The following ZC3H12B variants were observed in gnomAD, a reference collection of about 807,000 sequenced individuals.
The protein encoded by ZC3H12B is zinc finger CCCH-type containing 12B.
Under a neutral mutation model 43.9 loss-of-function variants are expected in ZC3H12B, and 7 were observed. The ratio of observed to expected loss-of-function variants is 0.16; its 90% confidence interval spans 0.09 to 0.30. The LOEUF is 0.30. Ranked by LOEUF, ZC3H12B falls within the 10% of genes least tolerant of loss-of-function variation. The pLI is 1.00. For missense variants in ZC3H12B, 475 were observed against 670.2 expected (o/e 0.71, Z 3.22); for synonymous variants, 222 against 241.7 (o/e 0.92, Z 0.76).
chrX:65,283,434 C>T, the ZC3H12B span, among the ~76,000 whole-genome samples: 3 of 112,068 alleles, frequency 2.7e-5, no homozygotes, highest in Non-Finnish European at 5.6e-5. Flanking sequence ...TGCCCTCTCT[C>T]ACCACTCCTA....
Position 65,477,817 on chromosome X carries a change from C to CTGTGTG in ZC3H12B, n.408-10793_408-10788dup, listed in dbSNP as rs746164349. 7.6e-3 allele frequency among the ~76,000 whole-genome samples: 709 copies of CTGTGTG among 92,972 alleles called. 11 individuals are homozygous for CTGTGTG. The highest frequency in any genetic ancestry group is 0.026 in the African/African-American group (631 of 24,565). 80.7% of individuals were successfully genotyped at this position (92,972 alleles called of 115,157 possible). A position where few individuals can be genotyped will look rare whatever the true frequency, so the allele number is the denominator to read the frequency against. On this transcript the variant is annotated intron_variant and non_coding_transcript_variant, in intron 3 of 5. Transcript: ENST00000617377. ...GTTGGAAAAACTCAAAAACATTCCTCTGTGTGTGTGTGTGTGTGTGTGTGT... is the reference window on the plus strand; with the variant it reads ...GTTGGAAAAACTCAAAAACATTCCTCTGTGTGTGTGTGTGTGTGTGTGTGTGTGTGT...
the ZC3H12B span, among the ~76,000 whole-genome samples, chrX:65,168,127 A>ATTC: frequency 3.1e-3 from 345 of 111,744 alleles, 1 homozygote; most frequent in African/African-American, 0.011. Flanking sequence ...TTTCAAAGGG[A>ATTC]ATGCTTCCAG....
At chrX:65,167,527 C>G in the ZC3H12B span, among the ~76,000 whole-genome samples, 1 of 111,501 alleles carries the variant, frequency 9.0e-6, no homozygotes, top group African/African-American at 3.3e-5. Context: ...GGTATGTGGG[C>G]TCTTCTTTGG....
chrX:65,090,945 T>C, the ZC3H12B span, among the ~76,000 whole-genome samples: 1 of 111,169 alleles, frequency 9.0e-6, no homozygotes, highest in South Asian at 3.8e-4. Context: ...CGTCTCTCTC[T>C]TGCTCCTGAT....
chrX:65,092,916 C>T, the ZC3H12B span, among the ~76,000 whole-genome samples: 1 of 111,757 alleles, frequency 8.9e-6, no homozygotes, highest in South Asian at 3.8e-4. Context: ...GGAAAAAGGC[C>T]TCCAAGGCTT....
the ZC3H12B span, among the ~76,000 whole-genome samples, chrX:65,299,556 A>G: frequency 5.3e-5 from 6 of 112,287 alleles, no homozygotes; most frequent in African/African-American, 1.9e-4. Flanking sequence ...CTGAACCGAC[A>G]AATAATAATA....
the ZC3H12B span, among the ~76,000 whole-genome samples, chrX:65,098,397 G>T: frequency 9.0e-6 from 1 of 111,086 alleles, no homozygotes; most frequent in East Asian, 2.8e-4. Flanking sequence ...TGTAGTAGTG[G>T]GAGACTGACT....
At chrX:65,152,768 T>G in the ZC3H12B span, among the ~76,000 whole-genome samples, 1 of 111,768 alleles carries the variant, frequency 8.9e-6, no homozygotes, top group Non-Finnish European at 1.9e-5. Flanking sequence ...AGAGCCCGCA[T>G]TGCCAAGTCA....
the ZC3H12B span, among the ~76,000 whole-genome samples, chrX:65,162,720 C>T: frequency 1.8e-5 from 2 of 111,660 alleles, no homozygotes; most frequent in Non-Finnish European, 3.8e-5. Flanking sequence ...GAATTTCCTC[C>T]TGTAGCTCAG....
the ZC3H12B span, among the ~76,000 whole-genome samples, chrX:65,199,514 A>T: frequency 2.7e-5 from 3 of 110,434 alleles, no homozygotes; most frequent in South Asian, 1.2e-3. Flanking sequence ...GACGTGTGCC[A>T]TGCTGGTTTG....
intron 3 of ZC3H12B, among the ~76,000 whole-genome samples, chrX:65,403,053 G>A (rs889559117): frequency 3.6e-5 from 4 of 112,164 alleles, no homozygotes; most frequent in Non-Finnish European, 7.5e-5. Context: ...AAATAGCTGT[G>A]TTGAGGAAAC....
chrX:65,390,136 T>C (rs1175698577), intron 2 of ZC3H12B, among the ~76,000 whole-genome samples: 1 of 111,231 alleles, frequency 9.0e-6, no homozygotes, highest in Admixed American at 9.6e-5. Context: ...AACCATCATT[T>C]TGAGCAAACT....
upstream of ZC3H12B, among the ~76,000 whole-genome samples, chrX:65,364,752 C>T (rs2066151452): frequency 9.0e-6 from 1 of 111,490 alleles, no homozygotes; most frequent in Non-Finnish European, 1.9e-5. Context: ...GAAATCTATC[C>T]TCAAGGAAAT....
chrX:65,193,722 G>C, the ZC3H12B span, among the ~76,000 whole-genome samples: 1 of 111,216 alleles, frequency 9.0e-6, no homozygotes, highest in Non-Finnish European at 1.9e-5. Context: ...ATCATTAAGT[G>C]GTTTATTTGA....
chrX:65,147,796 G>A, the ZC3H12B span, among the ~76,000 whole-genome samples: 5 of 110,658 alleles, frequency 4.5e-5, no homozygotes, highest in African/African-American at 1.3e-4. Context: ...TGGAGCTTGC[G>A]TGGTGCTGGG....
intron 2 of ZC3H12B, among the ~76,000 whole-genome samples, chrX:65,379,024 C>T (rs1482029669): frequency 8.9e-6 from 1 of 112,139 alleles, no homozygotes; most frequent in Non-Finnish European, 1.9e-5. Context: ...AGCAGCGAGG[C>T]TAGGGGAGGG....
the ZC3H12B span, among the ~76,000 whole-genome samples, chrX:65,119,716 T>G: frequency 6.3e-5 from 7 of 111,966 alleles, no homozygotes; most frequent in African/African-American, 2.3e-4. Context: ...CATGAAGTCC[T>G]TGCCCATGCC....
At chrX:65,433,083 G>T (rs184462273) in intron 3 of ZC3H12B, among the ~76,000 whole-genome samples, 1 of 112,817 alleles carries the variant, frequency 8.9e-6, no homozygotes, top group Non-Finnish European at 1.9e-5. Flanking sequence ...AAAGGCATTT[G>T]CCAAGTTATT....
the ZC3H12B span, among the ~76,000 whole-genome samples, chrX:65,258,966 C>G: frequency 9.0e-6 from 1 of 111,335 alleles, no homozygotes; most frequent in African/African-American, 3.3e-5. Context: ...TAGGAAGAAT[C>G]TATATCATTA....
Sources: gnomAD v4.1 joint callset for allele counts (sites outside exome capture counted in the v4.1 genomes callset) on GRCh38, gnomAD v4.1.1 for gene constraint, MANE v1.5 for transcripts, NCBI Gene and HGNC (gene_info 2026-07-23, HGNC 2026-07-21) for gene names.